The following HTR1F variants were observed in gnomAD, a reference collection of about 807,000 sequenced individuals.
The protein encoded by HTR1F is 5-hydroxytryptamine (serotonin) receptor 1F, G protein-coupled.
HTR1F carries 17 observed loss-of-function variants against 24.0 expected under a neutral mutation model. The observed-to-expected ratio is 0.71, with a 90% CI of 0.48 to 1.06. The LOEUF (loss-of-function observed/expected upper bound fraction) is 1.06. Among genes scored for constraint, HTR1F ranks in the 50% least tolerant of loss-of-function variants. The probability of loss-of-function intolerance (pLI) is 0.00; values close to 1 mark genes in which losing one functional copy is unlikely to be tolerated. For synonymous variants in HTR1F, 186 were observed against 156.8 expected, an observed-to-expected ratio of 1.19 and a Z score of -1.39; for missense variants, 391 against 427.8, an observed-to-expected ratio of 0.91 and a Z score of 0.76.
chr3:87,969,129 G>A (rs938881178), intron 2 of HTR1F, among the ~76,000 whole-genome samples: 3 of 152,244 alleles, frequency 2.0e-5, no homozygotes, highest in Admixed American at 2.0e-4. Context: ...CAGGAATGAA[G>A]CCCTCATGAA....
At chr3:87,919,779 A>G (rs1184978500) in intron 2 of HTR1F, among the ~76,000 whole-genome samples, 1 of 152,034 alleles carries the variant, frequency 6.6e-6, no homozygotes. Flanking sequence ...GGGAATATAA[A>G]CTATTACAAC....
intron 1 of HTR1F, among the ~76,000 whole-genome samples, chr3:87,798,851 G>C (rs1441504459): frequency 6.6e-6 from 1 of 152,160 alleles, no homozygotes; most frequent in Non-Finnish European, 1.5e-5. Flanking sequence ...TTCCTGTGAA[G>C]TCTCTGACAG....
At chr3:87,881,733 G>GTTAGAC (rs1705806807) in intron 2 of HTR1F, among the ~76,000 whole-genome samples, 2 of 152,066 alleles carry the variant, frequency 1.3e-5, no homozygotes. Flanking sequence ...AGACTTAAAC[G>GTTAGAC]TTAGACCTAA....
At chr3:87,908,654 TA>T (rs1377870124) in intron 2 of HTR1F, among the ~76,000 whole-genome samples, 1 of 152,062 alleles carries the variant, frequency 6.6e-6, no homozygotes, top group African/African-American at 2.4e-5. Context: ...TCTGGCACCC[TA>T]CATTCTAATT....
At chr3:87,897,154 A>G (rs796821422) in intron 2 of HTR1F, among the ~76,000 whole-genome samples, 23 of 151,528 alleles carry the variant, frequency 1.5e-4, no homozygotes, top group African/African-American at 5.6e-4. Context: ...TATGGAACCA[A>G]TGCTGGTGCC....
intron 2 of HTR1F, among the ~76,000 whole-genome samples, chr3:87,865,856 T>A (rs1368295768): frequency 2.6e-5 from 4 of 152,214 alleles, no homozygotes; most frequent in Admixed American, 2.0e-4. Context: ...TCATGTTGCA[T>A]GTATATCTAC....
At chr3:87,796,949 C>T (rs9854145) in intron 1 of HTR1F, among the ~76,000 whole-genome samples, 19,126 of 152,154 alleles carry the variant, frequency 0.13, 3,758 homozygotes, top group African/African-American at 0.42. Context: ...AACATAAATA[C>T]GTATACATAG....
intron 1 of HTR1F, among the ~76,000 whole-genome samples, chr3:87,799,317 T>A (rs1019674661): frequency 2.2e-4 from 33 of 152,186 alleles, no homozygotes; most frequent in Non-Finnish European, 2.9e-5. Context: ...CCTTCATGAT[T>A]TTTTTTCATA....
intron 2 of HTR1F, among the ~76,000 whole-genome samples, chr3:87,976,089 T>G (rs1705389640): frequency 6.6e-6 from 1 of 152,152 alleles, no homozygotes. Flanking sequence ...TGATGTAAAA[T>G]GTACTTTAAG....
rs903435748 is a variant in HTR1F at position 87,849,365 on chromosome 3, C to T, written c.-43+27241C>T. Among the ~76,000 whole-genome samples the T allele has an allele frequency of 4.6e-3, 694 of 151,580 alleles. 18 individuals carry two copies. Among genetic ancestry groups the T allele is most frequent in the African/African-American group, 0.016 (667 of 41,028 alleles). On this transcript the variant is annotated intron_variant, in intron 2 of 2. Coordinates refer to ENST00000319595, the MANE Select transcript of HTR1F (RefSeq NM_001322209.2). The stretch of plus-strand genomic sequence containing the variant: ...AAAAACAAGCAATGGGGAAAGGATT[C>T]CCTATTTAATAAATGGTGCTGGGAA...
chr3:87,886,984 T>A (rs1435960341), intron 2 of HTR1F, among the ~76,000 whole-genome samples: 1 of 152,046 alleles, frequency 6.6e-6, no homozygotes. Flanking sequence ...ACTTTAAAGT[T>A]CACATGGAAC....
chr3:87,888,747 G>T (rs1260232500), intron 2 of HTR1F, among the ~76,000 whole-genome samples: 1 of 151,978 alleles, frequency 6.6e-6, no homozygotes, highest in Admixed American at 6.6e-5. Flanking sequence ...ATGTAAAATG[G>T]GGAGCCTAAA....
chr3:87,846,957 A>G (rs929897373), intron 2 of HTR1F, among the ~76,000 whole-genome samples: 1 of 151,848 alleles, frequency 6.6e-6, no homozygotes, highest in African/African-American at 2.4e-5. Flanking sequence ...TGGCAAGTAT[A>G]TTCAGAAGTA....
intron 1 of HTR1F, among the ~76,000 whole-genome samples, chr3:87,816,315 T>C (rs997816739): frequency 6.6e-6 from 1 of 152,020 alleles, no homozygotes; most frequent in Admixed American, 6.6e-5. Context: ...CTCTTCTGAC[T>C]TTTTTTACAT....
chr3:87,904,982 T>C (rs116314037), intron 2 of HTR1F, among the ~76,000 whole-genome samples: 23 of 152,172 alleles, frequency 1.5e-4, no homozygotes, highest in African/African-American at 5.3e-4. Flanking sequence ...ATGAATTATG[T>C]ATTCTTCAAT....
intron 2 of HTR1F, among the ~76,000 whole-genome samples, chr3:87,959,245 G>A (rs534047653): frequency 6.6e-6 from 1 of 151,734 alleles, no homozygotes; most frequent in African/African-American, 2.4e-5. Flanking sequence ...ACATTTTTAT[G>A]GTTGGAATAG....
intron 2 of HTR1F, among the ~76,000 whole-genome samples, chr3:87,898,841 T>A (rs1214454772): frequency 6.6e-6 from 1 of 152,166 alleles, no homozygotes; most frequent in East Asian, 1.9e-4. Context: ...ATCTAAATTG[T>A]ATTTTAAAAG....
At chr3:87,968,470 C>T (rs1387877273) in intron 2 of HTR1F, among the ~76,000 whole-genome samples, 1 of 152,144 alleles carries the variant, frequency 6.6e-6, no homozygotes, top group Non-Finnish European at 1.5e-5. Flanking sequence ...CCTCACCCTC[C>T]CAAAGTGCTG....
chr3:87,832,570 C>T (rs750751978), intron 2 of HTR1F, among the ~76,000 whole-genome samples: 24 of 152,090 alleles, frequency 1.6e-4, no homozygotes, highest in Admixed American at 3.9e-4. Flanking sequence ...TCAGGCAGTC[C>T]GCCCACCTCA....
Sources: allele counts gnomAD v4.1 joint callset (sites outside exome capture counted in the v4.1 genomes callset), GRCh38; gene constraint gnomAD v4.1.1; transcripts MANE v1.5; gene names NCBI Gene and HGNC (gene_info 2026-07-23, HGNC 2026-07-21).